RBFOX1: variants seen among roughly 807,000 people sequenced by gnomAD.
RBFOX1 encodes the protein RNA binding fox-1 homolog 1.
RBFOX1 carries 8 observed loss-of-function variants against 57.7 expected under a neutral mutation model. The ratio of observed to expected loss-of-function variants is 0.14; its 90% CI spans 0.08 to 0.25. The LOEUF is 0.25. Ranked by LOEUF, RBFOX1 falls within the 10% of genes least tolerant of loss-of-function variation. The probability of loss-of-function intolerance (pLI) is 1.00; values close to 1 mark genes in which losing one functional copy is unlikely to be tolerated. For synonymous variants in RBFOX1, 326 were observed against 222.4 expected (o/e 1.47, Z -4.15); for missense variants, 611 against 548.5 (o/e 1.11, Z -1.14).
At chr16:6,032,450 C>G (rs1324760830) in intron 1 of RBFOX1, among the ~76,000 whole-genome samples, 1 of 152,144 alleles carries the variant, frequency 6.6e-6, no homozygotes, top group African/African-American at 2.4e-5. Context: ...AGAAAGGGAT[C>G]CACTCCAGGG....
chr16:6,097,228 T>C lies in RBFOX1; in HGVS notation c.-127+77236T>C, dbSNP rs112761223. Among the ~76,000 whole-genome samples the C allele has an allele frequency of 3.4e-3, 521 of 152,326 alleles. 3 individuals carry two copies. The highest frequency in any genetic ancestry group is 0.012 in the African/African-American group (510 of 41,578). ...AGGCCTCCGTAGCCATGTGGAACTG[T>C]GAGTCCATTAAACTTCTTTTTGTTT... On this transcript the variant is annotated intron_variant, in intron 1 of 15. Transcript: ENST00000550418. The surrounding 1 kb of genome is among the most constrained non-coding windows in gnomAD (Gnocchi z 5.0).
rs147986177 is a variant in RBFOX1 at position 6,026,506 on chromosome 16, A to G, written c.-127+6514A>G. 7.4e-4 allele frequency among the ~76,000 whole-genome samples: 113 copies of G among 152,304 alleles called. 1 individual carries two copies. Among genetic ancestry groups the G allele is most frequent in the African/African-American group, 2.6e-3 (106 of 41,564 alleles). On this transcript the variant is annotated intron_variant, in intron 1 of 15. Transcript: ENST00000550418. The stretch of plus-strand genomic sequence containing the variant: ...GCCCCTGATGCTCATCACTGTGCAC[A>G]TGGCCTCTTTTGCTGCCTTTGCAAG...
At chr16:7,655,533 T>C (rs1018261522) in intron 12 of RBFOX1, among the ~76,000 whole-genome samples, 13 of 152,206 alleles carry the variant, frequency 8.5e-5, no homozygotes, top group African/African-American at 2.9e-4. Context: ...TTTTTATCTC[T>C]GGTATCACAG....
At chr16:6,771,273 G>T (rs1008336111) in intron 3 of RBFOX1, among the ~76,000 whole-genome samples, 1 of 152,154 alleles carries the variant, frequency 6.6e-6, no homozygotes, top group African/African-American at 2.4e-5. Flanking sequence ...TGTTGTTTAA[G>T]CCACACAGTC....
chr16:6,919,603 G>A (rs866501443), intron 3 of RBFOX1, among the ~76,000 whole-genome samples: 50 of 151,954 alleles, frequency 3.3e-4, no homozygotes, highest in South Asian at 1.0e-3. Flanking sequence ...GGAAACCCTG[G>A]TATCTTCGAA....
intron 4 of RBFOX1, among the ~76,000 whole-genome samples, chr16:7,187,792 C>T (rs759813042): frequency 2.7e-5 from 4 of 146,542 alleles, no homozygotes; most frequent in Non-Finnish European, 4.5e-5. Flanking sequence ...TAATATTCAT[C>T]AGCATTTTTC....
chr16:6,870,822 A>G (rs990832518), intron 3 of RBFOX1, among the ~76,000 whole-genome samples: 4 of 152,188 alleles, frequency 2.6e-5, no homozygotes, highest in African/African-American at 9.7e-5. Flanking sequence ...TCAGATTCTT[A>G]TGACTTCTTG....
At chr16:6,702,415 G>T (rs115236100) in intron 3 of RBFOX1, among the ~76,000 whole-genome samples, 1 of 152,136 alleles carries the variant, frequency 6.6e-6, no homozygotes, top group African/African-American at 2.4e-5. Context: ...TCTGCCTGGC[G>T]TGCTGGCATA....
chr16:5,855,863 C>G (rs532097174), intron 3 of RBFOX1, among the ~76,000 whole-genome samples: 3 of 149,254 alleles, frequency 2.0e-5, no homozygotes, highest in African/African-American at 7.4e-5. Flanking sequence ...TATCGGATGT[C>G]TTTGCATTTA....
At chr16:5,356,590 A>G (rs1449328624) in intron 1 of RBFOX1, among the ~76,000 whole-genome samples, 1 of 152,194 alleles carries the variant, frequency 6.6e-6, no homozygotes, top group Non-Finnish European at 1.5e-5. Flanking sequence ...AGCTTCTGGA[A>G]TGGTGTCAGG....
chr16:6,651,477 G>A (rs115725046), intron 2 of RBFOX1, among the ~76,000 whole-genome samples: 2,167 of 152,170 alleles, frequency 0.014, 60 homozygotes, highest in African/African-American at 0.049. Flanking sequence ...ACTTAAATTT[G>A]TAACCCCTGA....
intron 2 of RBFOX1, among the ~76,000 whole-genome samples, chr16:6,430,696 G>A (rs1171179298): frequency 6.6e-6 from 1 of 152,102 alleles, no homozygotes; most frequent in East Asian, 1.9e-4. Flanking sequence ...GTGATGGGAA[G>A]TTTAGACTTT....
chr16:5,552,226 G>A (rs1472714300), intron 2 of RBFOX1, among the ~76,000 whole-genome samples: 3 of 152,176 alleles, frequency 2.0e-5, no homozygotes, highest in Admixed American at 6.5e-5. Context: ...AGCCCTTGGG[G>A]ATGATTCTTT....
At chr16:6,072,798 G>C (rs1991056) in intron 1 of RBFOX1, among the ~76,000 whole-genome samples, 1 of 151,720 alleles carries the variant, frequency 6.6e-6, no homozygotes, top group African/African-American at 2.4e-5. Flanking sequence ...AGATCTCATA[G>C]TAAATGTTCT....
intron 1 of RBFOX1, among the ~76,000 whole-genome samples, chr16:6,098,926 G>A (rs898542308): frequency 6.6e-6 from 1 of 152,176 alleles, no homozygotes; most frequent in Non-Finnish European, 1.5e-5. Context: ...CTTCGTTGAA[G>A]GACGGCCTGG....
intron 12 of RBFOX1, 54 bp from the exon 13 acceptor site, chr16:7,664,875 T>G (rs373572422): frequency 1.2e-6 from 2 of 1,613,750 alleles, no homozygotes; most frequent in East Asian, 2.2e-5. Context: ...TTGGTGTGTC[T>G]GCATGGGAAA....
chr16:6,988,744 TTTG>T (rs1192260683), intron 3 of RBFOX1, among the ~76,000 whole-genome samples: 1,072 of 23,658 alleles, frequency 0.045, 19 homozygotes, highest in Non-Finnish European at 0.063. Flanking sequence ...TTTTTTTTTG[TTTG>T]TTTGTTTTTT....
At chr16:6,927,882 A>G (rs1218758363) in intron 3 of RBFOX1, among the ~76,000 whole-genome samples, 1 of 152,218 alleles carries the variant, frequency 6.6e-6, no homozygotes, top group Non-Finnish European at 1.5e-5. Context: ...TACATATACT[A>G]ATAGCATACG....
intron 1 of RBFOX1, among the ~76,000 whole-genome samples, chr16:5,454,880 TTCTTTCTTTCTTTC>T (rs2068550601): frequency 7.9e-6 from 1 of 126,634 alleles, no homozygotes; most frequent in Non-Finnish European, 1.7e-5. Flanking sequence ...CTTTCTTTCT[TTCTTTCTTTCTTTC>T]TTTCTTTCTT....
Sources: allele counts gnomAD v4.1 joint callset (sites outside exome capture counted in the v4.1 genomes callset), GRCh38; gene constraint gnomAD v4.1.1; non-coding constraint Gnocchi (gnomAD v3.1); transcripts MANE v1.5; gene names NCBI Gene and HGNC (gene_info 2026-07-23, HGNC 2026-07-21).